The following RBPJ variants were observed in gnomAD, a reference collection of about 807,000 sequenced individuals.
RBPJ encodes recombination signal binding protein for immunoglobulin kappa J region.
RBPJ carries 9 observed loss-of-function variants against 67.8 expected under a neutral mutation model. The ratio of observed to expected loss-of-function variants is 0.13; its 90% CI spans 0.08 to 0.23. RBPJ has a LOEUF of 0.23. RBPJ is among the 10% of genes least tolerant of loss of function. RBPJ has a pLI of 1.00. For synonymous variants in RBPJ, 198 were observed against 203.3 expected (o/e 0.97, Z 0.22); for missense variants, 305 against 595.6 (o/e 0.51, Z 5.08).
At chr4:26,206,937 A>G (rs1718189932) in intron 1 of RBPJ, among the ~76,000 whole-genome samples, 1 of 152,102 alleles carries the variant, frequency 6.6e-6, no homozygotes, top group African/African-American at 2.4e-5. Flanking sequence ...CTGTTCTGAA[A>G]AATCATGAAC....
the RBPJ span, among the ~76,000 whole-genome samples, chr4:26,121,759 A>G: frequency 2.0e-5 from 3 of 152,138 alleles, no homozygotes; most frequent in African/African-American, 7.2e-5. Context: ...ATCAAGTAGC[A>G]TCCAATCAGA....
chr4:26,170,873 AT>A (rs1716552907), intron 1 of RBPJ, among the ~76,000 whole-genome samples: 1 of 152,308 alleles, frequency 6.6e-6, no homozygotes, highest in Non-Finnish European at 1.5e-5. Context: ...CTGAACTTCA[AT>A]TTTTCCATCT....
At chr4:26,142,637 C>A in the RBPJ span, among the ~76,000 whole-genome samples, 1 of 152,320 alleles carries the variant, frequency 6.6e-6, no homozygotes, top group East Asian at 1.9e-4. Context: ...TCAGATGTCA[C>A]CTAAGTTAAG....
chr4:26,116,170 C>A, the RBPJ span, among the ~76,000 whole-genome samples: 1 of 152,238 alleles, frequency 6.6e-6, no homozygotes, highest in Non-Finnish European at 1.5e-5. Flanking sequence ...TGAAAATGCA[C>A]ATCCACCGTG....
chr4:26,182,332 A>AC (rs1717037315), intron 1 of RBPJ, among the ~76,000 whole-genome samples: 1 of 151,864 alleles, frequency 6.6e-6, no homozygotes, highest in South Asian at 2.1e-4. Flanking sequence ...AAAGAGCAAG[A>AC]CTCCGTCTCA....
chr4:26,369,477 G>A (rs13129276), intron 1 of RBPJ, among the ~76,000 whole-genome samples: 75,647 of 152,006 alleles, frequency 0.5, 20,035 homozygotes, highest in Admixed American at 0.62. Context: ...AAAGTGTTGG[G>A]ATTTTTTCTT....
chr4:26,287,586 G>A (rs200697856), intron 1 of RBPJ, among the ~76,000 whole-genome samples: 5 of 10,584 alleles, frequency 4.7e-4, no homozygotes, highest in African/African-American at 1.8e-3. Context: ...AAGGACAGGA[G>A]AGGAGAGGGG....
intron 1 of RBPJ, among the ~76,000 whole-genome samples, chr4:26,334,483 C>T (rs1417377133): frequency 6.6e-6 from 1 of 151,924 alleles, no homozygotes; most frequent in Non-Finnish European, 1.5e-5. Context: ...TTAAGTTTTC[C>T]CTTTTGTACA....
the RBPJ span, among the ~76,000 whole-genome samples, chr4:26,118,475 C>G: frequency 6.6e-6 from 1 of 152,200 alleles, no homozygotes; most frequent in Non-Finnish European, 1.5e-5. Context: ...TACCTCCTCT[C>G]CAGGACTGTA....
At chr4:26,310,049 A>T (rs773005731) in intron 1 of RBPJ, among the ~76,000 whole-genome samples, 1 of 152,238 alleles carries the variant, frequency 6.6e-6, no homozygotes, top group African/African-American at 2.4e-5. Flanking sequence ...TAACAAGCTA[A>T]GCAAAACTTA....
intron 1 of RBPJ, among the ~76,000 whole-genome samples, chr4:26,359,476 G>C (rs1727791368): frequency 7.0e-6 from 1 of 143,606 alleles, no homozygotes; most frequent in Non-Finnish European, 1.5e-5. Flanking sequence ...TGTGTGTCCA[G>C]TATGTCCGAC....
At chr4:26,233,940 T>C (rs979914288) in intron 1 of RBPJ, among the ~76,000 whole-genome samples, 1 of 152,150 alleles carries the variant, frequency 6.6e-6, no homozygotes, top group Non-Finnish European at 1.5e-5. Flanking sequence ...GGAAACCATT[T>C]TCAAAAAATG....
At chr4:26,152,470 A>T in the RBPJ span, among the ~76,000 whole-genome samples, 5 of 152,236 alleles carry the variant, frequency 3.3e-5, no homozygotes, top group Admixed American at 1.3e-4. Flanking sequence ...CTTGCATGAG[A>T]TCCCATAACT....
rs897964346 is a variant in RBPJ at position 26,431,184 on chromosome 4, TAAAAAAAAAAAAAAAA to T, written c.*189_*204del. On this transcript the variant is annotated 3_prime_UTR_variant, in exon 11 of 11. Transcript: ENST00000355476. ...CTGATTTGAAATGCAGAAGCCACAG[TAAAAAAAAAAAAAAAA>T]AAAAAAAAAAAGAAAAAAAAATCAA... is the stretch of plus-strand genomic sequence containing the variant. The T allele has an allele frequency of 2.9e-4, 12 of 40,798 alleles. No individual in the cohort carries two copies. Among genetic ancestry groups the T allele is most frequent in the African/African-American group, 1.0e-3 (9 of 8,886 alleles). The allele number at this position is 40,798 out of a possible 1,614,324, so 2.5% of individuals were successfully genotyped here.
intron 1 of RBPJ, among the ~76,000 whole-genome samples, chr4:26,351,212 T>C (rs1207036449): frequency 1.3e-5 from 2 of 152,170 alleles, no homozygotes; most frequent in African/African-American, 4.8e-5. Context: ...GGAAACATTG[T>C]GTACATTAGT....
intron 2 of RBPJ, among the ~76,000 whole-genome samples, chr4:26,400,626 T>C (rs1241640392): frequency 6.6e-6 from 1 of 152,232 alleles, no homozygotes; most frequent in African/African-American, 2.4e-5. Context: ...TGTTTTAATA[T>C]TCTGTTTAAT....
chr4:26,274,789 C>A (rs563706401), intron 1 of RBPJ, among the ~76,000 whole-genome samples: 1 of 151,982 alleles, frequency 6.6e-6, no homozygotes, highest in Admixed American at 6.5e-5. Context: ...CAAAAATTAG[C>A]CAGGGGTGGT....
chr4:26,223,776 C>T (rs555332594), intron 1 of RBPJ, among the ~76,000 whole-genome samples: 1 of 152,166 alleles, frequency 6.6e-6, no homozygotes, highest in Non-Finnish European at 1.5e-5. Flanking sequence ...AGAGGATAGA[C>T]CAAGGCCAGG....
chr4:26,362,664 A>T (rs1384950849), intron 1 of RBPJ: 1 of 1,542,578 alleles, frequency 6.5e-7, no homozygotes, highest in African/African-American at 1.4e-5. Flanking sequence ...CCCCAAGGTC[A>T]TGGATAGAAT....
Sources: gnomAD v4.1 joint callset for allele counts (sites outside exome capture counted in the v4.1 genomes callset) on GRCh38, gnomAD v4.1.1 for gene constraint, MANE v1.5 for transcripts, NCBI Gene and HGNC (gene_info 2026-07-23, HGNC 2026-07-21) for gene names.